The following BTBD9 variants were observed in gnomAD, a reference collection of about 807,000 sequenced individuals.
BTBD9 encodes the protein BTB/POZ domain-containing protein 9.
In BTBD9, 49 loss-of-function variants were observed where a neutral mutation model predicts 64.3. That is an observed-to-expected ratio of 0.76 (90% CI 0.61 to 0.97). The LOEUF is 0.97. Ranked by LOEUF, BTBD9 falls within the 50% of genes least tolerant of loss-of-function variation. The pLI is 0.00. For synonymous variants in BTBD9, 260 were observed against 274.7 expected (o/e 0.95, Z 0.53); for missense variants, 598 against 762.1 (o/e 0.78, Z 2.53).
At chr6:38,400,676 G>A (rs533715998) in intron 6 of BTBD9, among the ~76,000 whole-genome samples, 5 of 152,140 alleles carry the variant, frequency 3.3e-5, no homozygotes, top group African/African-American at 1.2e-4. Context: ...ATTCCCTCTT[G>A]TCTCAGCAAA....
chr6:38,619,579 CA>C (rs968218650), intron 1 of BTBD9, among the ~76,000 whole-genome samples: 1 of 152,180 alleles, frequency 6.6e-6, no homozygotes, highest in African/African-American at 2.4e-5. Context: ...CAGAAGCCCC[CA>C]ACCAGATAAT....
intron 8 of BTBD9, among the ~76,000 whole-genome samples, chr6:38,260,537 T>C (rs1249147588): frequency 1.3e-5 from 2 of 151,922 alleles, no homozygotes; most frequent in Non-Finnish European, 1.5e-5. Context: ...ATGGAGAAGA[T>C]AAAAAAAAGA....
chr6:38,216,788 G>A (rs1388672822), intron 9 of BTBD9, among the ~76,000 whole-genome samples: 11 of 152,172 alleles, frequency 7.2e-5, no homozygotes, highest in Admixed American at 5.9e-4. Context: ...GCTTCCCATC[G>A]GTGGGGGAGG....
intron 6 of BTBD9, among the ~76,000 whole-genome samples, chr6:38,424,907 C>T (rs973203038): frequency 1.4e-4 from 21 of 151,926 alleles, no homozygotes; most frequent in African/African-American, 4.6e-4. Flanking sequence ...GGCACGATAT[C>T]GGCTTACTGC....
intron 6 of BTBD9, among the ~76,000 whole-genome samples, chr6:38,358,654 T>C (rs1764824694): frequency 6.6e-6 from 1 of 152,152 alleles, no homozygotes; most frequent in African/African-American, 2.4e-5. Context: ...TACTGCTTAC[T>C]CCAGGGAGGC....
chr6:38,456,930 A>G (rs770946355), intron 6 of BTBD9, among the ~76,000 whole-genome samples: 3 of 152,234 alleles, frequency 2.0e-5, no homozygotes, highest in Non-Finnish European at 2.9e-5. Flanking sequence ...CTTTGAAGGA[A>G]ATAAATACAG....
At chr6:38,456,131 G>C (rs1312487636) in intron 6 of BTBD9, among the ~76,000 whole-genome samples, 1 of 151,932 alleles carries the variant, frequency 6.6e-6, no homozygotes, top group African/African-American at 2.4e-5. Context: ...GGGATTACTG[G>C]CATGTGCCAC....
At chr6:38,385,616 G>A (rs571458046) in intron 6 of BTBD9, among the ~76,000 whole-genome samples, 23 of 152,182 alleles carry the variant, frequency 1.5e-4, no homozygotes, top group African/African-American at 3.6e-4. Context: ...TTTGTACAAA[G>A]TTAATTATTA....
At chr6:38,262,773 T>C (rs747167938) in intron 8 of BTBD9, among the ~76,000 whole-genome samples, 1 of 152,228 alleles carries the variant, frequency 6.6e-6, no homozygotes, top group Non-Finnish European at 1.5e-5. Flanking sequence ...TTGGAAAGTC[T>C]ACATTATGCA....
chr6:38,222,898 T>C (rs1458772508), intron 9 of BTBD9, among the ~76,000 whole-genome samples: 1 of 152,098 alleles, frequency 6.6e-6, no homozygotes, highest in Non-Finnish European at 1.5e-5. Flanking sequence ...GGGGAAGGTT[T>C]TATTTTATTT....
At chr6:38,464,520 G>A (rs1209369816) in intron 6 of BTBD9, among the ~76,000 whole-genome samples, 2 of 150,530 alleles carry the variant, frequency 1.3e-5, no homozygotes, top group Non-Finnish European at 3.0e-5. Context: ...TTTTGAGACA[G>A]AGTCTCACTC....
In BTBD9 at chr6:38,598,062, A is replaced by C. The variant is rs781527190; in HGVS notation, c.33T>G (p.Thr11=). MSNSHPLRPF[T]AVGEIDHVHI... The stretch of plus-strand genomic sequence containing the variant: ...GCACATGATCAATTTCCCCCACTGC[A>C]GTAAAGGGGCGAAGAGGGTGGCTGT... The change falls in exon 2 of 11, where the codon ACT becomes ACG. Residue 11 remains threonine (T), a synonymous_variant. Transcript: ENST00000481247. The C allele has an allele frequency of 5.0e-6, 8 of 1,613,936 alleles. No individual in the cohort carries two copies. The East Asian group carries it at 1.8e-4, about 36-fold the overall frequency.
At chr6:38,315,802 GT>G (rs1763008114) in intron 7 of BTBD9, among the ~76,000 whole-genome samples, 1 of 152,200 alleles carries the variant, frequency 6.6e-6, no homozygotes, top group African/African-American at 2.4e-5. Context: ...TGGATGAAAT[GT>G]TCTGTAAATA....
rs555823896 is a variant in BTBD9, at chr6:38,561,548, T to C, written c.1154+16052A>G. ...AGCAAAGAGATAGACTCAATCTAGG[T>C]GTCTATCAAAAGTGGACTGGATAAA... On this transcript the variant is annotated intron_variant, in intron 6 of 10. Transcript: ENST00000481247. Among the ~76,000 whole-genome samples, 680 of 152,284 alleles carry C rather than the reference T, an allele frequency of 4.5e-3. 1 individual carries two copies. Among genetic ancestry groups the C allele is most frequent in the Non-Finnish European group, 7.8e-3 (533 of 68,016 alleles).
intron 7 of BTBD9, among the ~76,000 whole-genome samples, chr6:38,328,968 ATGTG>A (rs70981541): frequency 0.095 from 12,130 of 127,114 alleles, 497 homozygotes; most frequent in African/African-American, 0.13. Flanking sequence ...GAAAGAAAAT[ATGTG>A]TGTGTGTGTG....
intron 1 of BTBD9, among the ~76,000 whole-genome samples, chr6:38,601,383 G>A (rs987797674): frequency 2.0e-5 from 3 of 152,200 alleles, no homozygotes; most frequent in Non-Finnish European, 4.4e-5. Context: ...TACCTACAAA[G>A]TGATAGTTTC....
At chr6:38,431,674 A>G (rs1562177026) in intron 6 of BTBD9, among the ~76,000 whole-genome samples, 1 of 150,270 alleles carries the variant, frequency 6.7e-6, no homozygotes, top group Non-Finnish European at 1.5e-5. Context: ...CAGGTCTTCA[A>G]TTCTACTGCT....
chr6:38,324,821 A>G (rs1388068431), intron 7 of BTBD9, among the ~76,000 whole-genome samples: 1 of 152,206 alleles, frequency 6.6e-6, no homozygotes, highest in African/African-American at 2.4e-5. Context: ...AGAGAAACTA[A>G]CACACAGGTG....
intron 6 of BTBD9, among the ~76,000 whole-genome samples, chr6:38,442,307 G>A (rs1298509242): frequency 6.6e-6 from 1 of 151,974 alleles, no homozygotes; most frequent in Non-Finnish European, 1.5e-5. Flanking sequence ...CCAACATAGT[G>A]AAACCCCGTC....
Sources: gnomAD v4.1 joint callset for allele counts (sites outside exome capture counted in the v4.1 genomes callset) on GRCh38, gnomAD v4.1.1 for gene constraint, MANE v1.5 for transcripts, NCBI Gene and HGNC (gene_info 2026-07-23, HGNC 2026-07-21) for gene names.